The following CNOT4 variants were observed in gnomAD, a reference collection of about 807,000 sequenced individuals.
CNOT4 encodes CCR4-associated factor 4.
CNOT4 carries 8 observed loss-of-function variants against 73.8 expected under a neutral mutation model. The observed-to-expected ratio is 0.11, with a 90% CI of 0.06 to 0.20. The LOEUF is 0.20. Among genes scored for constraint, CNOT4 ranks in the 10% least tolerant of loss-of-function variants. CNOT4 has a pLI of 1.00. For missense variants in CNOT4, 564 were observed against 883.4 expected, an observed-to-expected ratio of 0.64 and a Z score of 4.58; for synonymous variants, 293 against 321.1, an observed-to-expected ratio of 0.91 and a Z score of 0.94.
At position 135,504,473 on chromosome 7, in the gene CNOT4, T is replaced by A. The variant is rs1804211251; in HGVS notation, c.-93+5416A>T. On this transcript the variant is annotated intron_variant, in intron 1 of 11. Transcript: ENST00000541284. ...ACCACATCCGGCTAATTTTTTTTTT[T>A]TTTTTTTTTTTTTTTTATTTTTATT... Among the ~76,000 whole-genome samples the A allele has an allele frequency of 4.5e-5, 3 of 67,028 alleles. 1 individual carries two copies. In the South Asian group the frequency reaches 1.8e-3, roughly 41 times the overall value. The allele number at this position is 67,028 out of a possible 152,430, so 44.0% of individuals were successfully genotyped here.
intron 1 of CNOT4, among the ~76,000 whole-genome samples, chr7:135,502,517 T>C (rs1338136616): frequency 6.6e-6 from 1 of 152,132 alleles, no homozygotes; most frequent in Non-Finnish European, 1.5e-5. Flanking sequence ...CAAAGTCTGT[T>C]TGAAAAATTG....
chr7:135,387,564 T>TTA (rs1796185746), intron 10 of CNOT4: 1 of 974,720 alleles, frequency 1.0e-6, no homozygotes, highest in Non-Finnish European at 1.2e-6. Flanking sequence ...CTTTTTTTTT[T>TTA]AACAAATTAA....
At chr7:135,452,500 G>A (rs1800235761) in intron 1 of CNOT4, among the ~76,000 whole-genome samples, 1 of 152,104 alleles carries the variant, frequency 6.6e-6, no homozygotes, top group Non-Finnish European at 1.5e-5. Context: ...AACCTGGGAG[G>A]CGGAGGTTGC....
At chr7:135,369,024 C>T (rs1795058310) in intron 10 of CNOT4, among the ~76,000 whole-genome samples, 1 of 152,116 alleles carries the variant, frequency 6.6e-6, no homozygotes, top group African/African-American at 2.4e-5. Flanking sequence ...TGGGTTTTTC[C>T]AGCTGGCATA....
At chr7:135,366,242 A>G (rs12707228) in intron 10 of CNOT4, among the ~76,000 whole-genome samples, 23,644 of 152,208 alleles carry the variant, frequency 0.16, 2,400 homozygotes, top group East Asian at 0.42. Context: ...TTAGTGAGCA[A>G]TGAAATTGAG....
At position 135,488,522 on chromosome 7, in the gene CNOT4, A is replaced by C. The variant is rs578169516; in HGVS notation, c.-93+21367T>G. Reference sequence around the variant, plus strand: ...GCCACTGTGCCCAGCCTAAACTGAAATCTTTGAAGAAAAAAAGCTAATAGT... The same window carrying C: ...GCCACTGTGCCCAGCCTAAACTGAACTCTTTGAAGAAAAAAAGCTAATAGT... On this transcript the variant is annotated intron_variant, in intron 1 of 11. Transcript: ENST00000541284. Among the ~76,000 whole-genome samples the C allele has an allele frequency of 1.8e-4, 27 of 152,306 alleles. No individual in the cohort carries two copies. In the South Asian group the frequency reaches 5.6e-3, roughly 32 times the overall value.
intron 1 of CNOT4, among the ~76,000 whole-genome samples, chr7:135,499,728 T>C (rs927552221): frequency 6.6e-6 from 1 of 152,124 alleles, no homozygotes; most frequent in African/African-American, 2.4e-5. Context: ...TTCTCCTGTA[T>C]ACCCTATATT....
At chr7:135,388,484 G>A (rs1304426048) in intron 10 of CNOT4, 1 of 999,770 alleles carries the variant, frequency 1.0e-6, no homozygotes, top group African/African-American at 1.7e-5. Flanking sequence ...CAATAATAGA[G>A]CCAAAATAAC....
intron 1 of CNOT4, among the ~76,000 whole-genome samples, chr7:135,487,048 T>C (rs551138674): frequency 1.3e-5 from 2 of 152,302 alleles, no homozygotes; most frequent in Admixed American, 1.3e-4. Context: ...GCTATTTTCT[T>C]ACATCCCCAA....
chr7:135,481,983 T>C (rs1351334801), intron 1 of CNOT4, among the ~76,000 whole-genome samples: 1 of 152,118 alleles, frequency 6.6e-6, no homozygotes, highest in Non-Finnish European at 1.5e-5. Context: ...GTACAAAATA[T>C]ACAGTCAAAT....
At chr7:135,455,196 C>T (rs1800447491) in intron 1 of CNOT4, among the ~76,000 whole-genome samples, 1 of 151,578 alleles carries the variant, frequency 6.6e-6, no homozygotes. Flanking sequence ...ATCACTTGAG[C>T]CAAGGATTTC....
Position 135,438,366 on chromosome 7 carries a change from A to G in CNOT4, c.-35T>C. 4.5e-6 allele frequency: 7 copies of G among 1,551,502 alleles called. No individual in the cohort carries two copies. Among genetic ancestry groups the G allele is most frequent in the Non-Finnish European group, 6.1e-6 (7 of 1,146,520 alleles). ...TATTAAACAGCAGCAAAAGTTTATA[A>G]TAATTTAAGGGAGAAGGAAGTTCAG... On this transcript the variant is annotated 5_prime_UTR_variant, in exon 2 of 12. Coordinates refer to ENST00000541284, the MANE Select transcript of CNOT4 (RefSeq NM_001190850.2).
chr7:135,492,436 A>G (rs554756452), intron 1 of CNOT4, among the ~76,000 whole-genome samples: 2 of 152,210 alleles, frequency 1.3e-5, no homozygotes, highest in African/African-American at 4.8e-5. Context: ...CGATTGAATT[A>G]TACAAGGTAA....
chr7:135,450,202 T>C (rs1188012404), intron 1 of CNOT4, among the ~76,000 whole-genome samples: 2 of 152,000 alleles, frequency 1.3e-5, no homozygotes, highest in Non-Finnish European at 2.9e-5. Flanking sequence ...GAGGCTAAAT[T>C]AAAAATTAAA....
chr7:135,412,571 T>C (rs947779838), intron 6 of CNOT4, among the ~76,000 whole-genome samples: 3 of 151,924 alleles, frequency 2.0e-5, no homozygotes, highest in Admixed American at 6.6e-5. Flanking sequence ...ATAAAGACCA[T>C]ACTATCAAGA....
intron 7 of CNOT4, among the ~76,000 whole-genome samples, chr7:135,401,578 A>AT (rs1222680499): frequency 7.9e-5 from 12 of 152,140 alleles, no homozygotes; most frequent in Admixed American, 5.9e-4. Context: ...AATGGGAGAG[A>AT]TTTTTTTTAA....
At chr7:135,390,862 C>T (rs547878147) in intron 10 of CNOT4, among the ~76,000 whole-genome samples, 41 of 152,152 alleles carry the variant, frequency 2.7e-4, no homozygotes, top group African/African-American at 9.4e-4. Flanking sequence ...ATATATATGC[C>T]TTTCCAGAGT....
chr7:135,487,509 G>A (rs1802807572), intron 1 of CNOT4, among the ~76,000 whole-genome samples: 1 of 151,810 alleles, frequency 6.6e-6, no homozygotes, highest in African/African-American at 2.4e-5. Flanking sequence ...AAATGTGCTG[G>A]GACTACAGAT....
At chr7:135,427,641 T>C (rs557705961) in intron 2 of CNOT4, among the ~76,000 whole-genome samples, 82 of 152,360 alleles carry the variant, frequency 5.4e-4, no homozygotes, top group African/African-American at 2.0e-3. Context: ...AATGAACTTT[T>C]AAAAAATCCT....
Sources: gnomAD v4.1 joint callset for allele counts (sites outside exome capture counted in the v4.1 genomes callset) on GRCh38, gnomAD v4.1.1 for gene constraint, MANE v1.5 for transcripts, NCBI Gene and HGNC (gene_info 2026-07-23, HGNC 2026-07-21) for gene names.